The following TLE2 variants were observed in gnomAD, a reference collection of about 807,000 sequenced individuals.
The protein encoded by TLE2 is TLE family member 2, transcriptional corepressor.
A neutral mutation model predicts 97.2 loss-of-function variants in TLE2; 74 were observed. The ratio of observed to expected loss-of-function variants is 0.76; its 90% CI spans 0.63 to 0.92. The LOEUF is 0.92. Among genes scored for constraint, TLE2 ranks in the 40% least tolerant of loss-of-function variants. TLE2 has a pLI of 0.00. For synonymous variants in TLE2, 499 were observed against 432.1 expected (o/e 1.15, Z -1.92); for missense variants, 1,038 against 1,008.7 (o/e 1.03, Z -0.39).
chr19:3,024,081 C>T (rs1164718467), intron 5 of TLE2, among the ~76,000 whole-genome samples: 4 of 150,890 alleles, frequency 2.7e-5, no homozygotes, highest in Non-Finnish European at 3.0e-5. Flanking sequence ...CTGCAACCCC[C>T]GCCTCCTGAG....
At chr19:3,042,408 A>AG (rs1230025194) in intron 1 of TLE2, among the ~76,000 whole-genome samples, 7 of 27,156 alleles carry the variant, frequency 2.6e-4, no homozygotes, top group African/African-American at 8.0e-4. Flanking sequence ...GGGAGGGGTA[A>AG]GGGGGCCTGG....
At chr19:3,044,915 G>A (rs568947972) in intron 1 of TLE2, among the ~76,000 whole-genome samples, 2 of 152,254 alleles carry the variant, frequency 1.3e-5, no homozygotes, top group South Asian at 4.2e-4. Context: ...AAAATGCTGT[G>A]AAGATAAAGA....
intron 13 of TLE2, among the ~76,000 whole-genome samples, chr19:3,009,199 C>T (rs1212413331): frequency 6.6e-6 from 1 of 152,208 alleles, no homozygotes; most frequent in Non-Finnish European, 1.5e-5. Flanking sequence ...CCATCCAATG[C>T]CCAGACTGGC....
chr19:3,007,054 G>C (rs71339155), intron 14 of TLE2, among the ~76,000 whole-genome samples: 3,836 of 151,910 alleles, frequency 0.025, 81 homozygotes, highest in Non-Finnish European at 0.04. Flanking sequence ...CGAAGTGCTA[G>C]AATTACAGGC....
chr19:3,027,933 A>G (rs1173431489), intron 3 of TLE2, 60 bp from the exon 4 acceptor site: 3 of 1,509,832 alleles, frequency 2.0e-6, no homozygotes, highest in Non-Finnish European at 1.8e-6. Context: ...TCCTCCAGAT[A>G]GGTGATGCCA....
At chr19:3,018,215 T>G (rs2089756436) in intron 7 of TLE2, among the ~76,000 whole-genome samples, 1 of 152,016 alleles carries the variant, frequency 6.6e-6, no homozygotes, top group Non-Finnish European at 1.5e-5. Flanking sequence ...CACTGCAGCC[T>G]CGAGTTCCCG....
chr19:3,001,394 T>C (rs949244010), intron 18 of TLE2, among the ~76,000 whole-genome samples: 5 of 152,072 alleles, frequency 3.3e-5, no homozygotes, highest in East Asian at 1.9e-4. Context: ...GGATTACAGG[T>C]GTGAGCCACT....
At chr19:3,017,574 C>T (rs1384970862) in intron 8 of TLE2, among the ~76,000 whole-genome samples, 1 of 151,848 alleles carries the variant, frequency 6.6e-6, no homozygotes, top group Non-Finnish European at 1.5e-5. Flanking sequence ...CCTCAGGCTC[C>T]CGAGTAGCTG....
In TLE2 at chr19:3,028,849, C is replaced by T. The variant is rs762175086; in HGVS notation, c.24+32G>A. The T allele has an allele frequency of 1.1e-5, 18 of 1,611,570 alleles. No individual in the cohort carries two copies. In the South Asian group the frequency reaches 1.8e-4, roughly 16 times the overall value. On this transcript the variant is annotated intron_variant, in intron 1 of 19. Transcript: ENST00000262953. ...ACGTCAGGGTCTGAGTTCCCGGACA[C>T]TGGGGGCCCCCTCCCCGCAGTCCGC...
chr19:3,017,771 C>T (rs2089744009), intron 8 of TLE2, 69 bp downstream of exon 8: 14 of 1,471,718 alleles, frequency 9.5e-6, no homozygotes, highest in South Asian at 4.8e-5. Context: ...TTCTGAGGCC[C>T]CCATCAGCTC....
At chr19:3,025,809 C>T (rs1165716085) in intron 4 of TLE2, among the ~76,000 whole-genome samples, 1 of 147,898 alleles carries the variant, frequency 6.8e-6, no homozygotes, top group Non-Finnish European at 1.5e-5. Context: ...GTGTCCCGCA[C>T]CCCATAAAGG....
chr19:3,041,782 CCCCAGG>C (rs2090105258), intron 1 of TLE2, among the ~76,000 whole-genome samples: 1 of 152,226 alleles, frequency 6.6e-6, no homozygotes, highest in Non-Finnish European at 1.5e-5. Flanking sequence ...CCCGCTGCTG[CCCCAGG>C]TTGGTTTTTC....
At chr19:3,002,178 T>C (rs1280067739) in intron 18 of TLE2, among the ~76,000 whole-genome samples, 175 bp downstream of exon 18, 1 of 152,200 alleles carries the variant, frequency 6.6e-6, no homozygotes, top group Non-Finnish European at 1.5e-5. Flanking sequence ...GTTTTTAGTA[T>C]AAGTATATCC....
intron 19 of TLE2, among the ~76,000 whole-genome samples, chr19:2,999,897 G>T (rs1345758966): frequency 6.7e-6 from 1 of 150,086 alleles, no homozygotes; most frequent in African/African-American, 2.4e-5. Context: ...GCCAGGCGTG[G>T]TGGTACATGC....
At chr19:3,032,327 T>C (rs1332500157), upstream of TLE2, among the ~76,000 whole-genome samples, 1 of 152,086 alleles carries the variant, frequency 6.6e-6, no homozygotes, top group African/African-American at 2.4e-5. This position sits in a 1 kb window ranked among gnomAD's most constrained non-coding sequence, Gnocchi z 4.1. Context: ...AACCTCTGCC[T>C]TCTGGGCTCA....
intron 1 of TLE2, among the ~76,000 whole-genome samples, chr19:3,035,559 AG>A (rs2090055772): frequency 6.6e-6 from 1 of 150,402 alleles, no homozygotes; most frequent in Non-Finnish European, 1.5e-5. Context: ...GAAAAAGCTG[AG>A]AAGCTGCGCT....
At chr19:3,033,160 A>G (rs4806898), upstream of TLE2, among the ~76,000 whole-genome samples, 83,984 of 149,530 alleles carry the variant, frequency 0.56, 24,177 homozygotes, top group African/African-American at 0.71. Flanking sequence ...TTACAGACAT[A>G]CACCAAGCCT....
intron 19 of TLE2, among the ~76,000 whole-genome samples, chr19:3,000,088 T>C (rs968215933): frequency 3.3e-5 from 5 of 151,572 alleles, no homozygotes; most frequent in Admixed American, 6.6e-5. Context: ...TTATTTATTT[T>C]TGAGGCAGAG....
intron 5 of TLE2, among the ~76,000 whole-genome samples, chr19:3,021,412 A>G (rs1011479464): frequency 6.6e-6 from 1 of 152,036 alleles, no homozygotes; most frequent in African/African-American, 2.4e-5. Flanking sequence ...TCAAAAAAAA[A>G]AGAAAGAAAG....
Sources: gnomAD v4.1 joint callset for allele counts (sites outside exome capture counted in the v4.1 genomes callset) on GRCh38, gnomAD v4.1.1 for gene constraint, Gnocchi (gnomAD v3.1) non-coding constraint, MANE v1.5 for transcripts, NCBI Gene and HGNC (gene_info 2026-07-23, HGNC 2026-07-21) for gene names.